MTFR1: variants seen among roughly 807,000 people sequenced by gnomAD.
MTFR1 encodes the protein chondrocyte protein with a poly-proline region.
In MTFR1, 28 loss-of-function variants were observed where a neutral mutation model predicts 38.8. The ratio of observed to expected loss-of-function variants is 0.72; its 90% CI spans 0.53 to 0.99. The LOEUF (loss-of-function observed/expected upper bound fraction) is 0.99. Ranked by LOEUF, MTFR1 falls within the 50% of genes least tolerant of loss-of-function variation. MTFR1 has a pLI of 0.00. For missense variants in MTFR1, 358 were observed against 395.5 expected, an observed-to-expected ratio of 0.91 and a Z score of 0.81; for synonymous variants, 145 against 137.0, an observed-to-expected ratio of 1.06 and a Z score of -0.41.
chr8:65,673,092 C>G (rs1804607509), intron 2 of MTFR1, among the ~76,000 whole-genome samples: 1 of 152,170 alleles, frequency 6.6e-6, no homozygotes, highest in Admixed American at 6.6e-5. Flanking sequence ...ATGCCTTCTT[C>G]ACTAAGCTTA....
At chr8:65,690,979 G>T (rs1315748745) in intron 3 of MTFR1, among the ~76,000 whole-genome samples, 1 of 152,044 alleles carries the variant, frequency 6.6e-6, no homozygotes, top group Admixed American at 6.6e-5. Flanking sequence ...TTCAGTAATG[G>T]GTAGGAACAG....
At chr8:65,647,562 A>T (rs1290838464) in intron 1 of MTFR1, among the ~76,000 whole-genome samples, 1 of 152,202 alleles carries the variant, frequency 6.6e-6, no homozygotes, top group Non-Finnish European at 1.5e-5. Context: ...CAACTGCCTC[A>T]GCCTCCTAAA....
chr8:65,723,250 CAAATGATG>C, intron 3 of MTFR1: 1 of 184,458 alleles, frequency 5.4e-6, no homozygotes, highest in Non-Finnish European at 1.1e-5. Flanking sequence ...ATGGCAGTCC[CAAATGATG>C]CAAAAGAAGC....
At chr8:65,712,165 T>C (rs1184654690), downstream of MTFR1, among the ~76,000 whole-genome samples, 1 of 152,214 alleles carries the variant, frequency 6.6e-6, no homozygotes, top group Admixed American at 6.5e-5. Context: ...CCCCAGGTAC[T>C]ATGTTGTGGA....
Position 65,693,702 on chromosome 8 carries a change from C to T in MTFR1, c.224C>T (p.Ser75Phe), listed in dbSNP as rs374693946. 6.2e-7 allele frequency: 1 copy of T among 1,614,060 alleles called. No homozygotes were observed. Among genetic ancestry groups the T allele is most frequent in the African/African-American group, 1.3e-5 (1 of 75,024 alleles). The change falls in exon 4 of 8, where the codon TCT (serine) becomes TTT (phenylalanine). Residue 75 changes from serine to phenylalanine, a missense_variant. Transcript: ENST00000262146. ...PSHPGEDAVA[S>F]FADVGWVAKE... Reference sequence around the variant, plus strand: ...CACCCAGGAGAGGATGCAGTGGCGTCTTTTGCTGATGTTGGATGGGTAGCC... The same window carrying T: ...CACCCAGGAGAGGATGCAGTGGCGTTTTTTGCTGATGTTGGATGGGTAGCC...
chr8:65,744,496 T>C (rs1807583797), intron 3 of MTFR1, among the ~76,000 whole-genome samples: 1 of 152,096 alleles, frequency 6.6e-6, no homozygotes, highest in Non-Finnish European at 1.5e-5. Flanking sequence ...ACATGACCCC[T>C]CCATCCAGAA....
At chr8:65,705,284 A>G (rs1805750487) in intron 5 of MTFR1, among the ~76,000 whole-genome samples, 2 of 152,208 alleles carry the variant, frequency 1.3e-5, no homozygotes, top group African/African-American at 4.8e-5. Context: ...AGATCATGCC[A>G]CTGCACTCCG....
downstream of MTFR1, among the ~76,000 whole-genome samples, chr8:65,712,583 A>ATAGT (rs1491172139): frequency 6.6e-6 from 1 of 152,222 alleles, no homozygotes; most frequent in Non-Finnish European, 1.5e-5. Flanking sequence ...CCATATATCA[A>ATAGT]TAGTTAATTT....
chr8:65,702,903 G>A (rs1409416387), intron 4 of MTFR1, among the ~76,000 whole-genome samples: 1 of 152,114 alleles, frequency 6.6e-6, no homozygotes, highest in Non-Finnish European at 1.5e-5. Context: ...AAAAAAGAGA[G>A]CTAGATAATT....
At chr8:65,751,762 G>C (rs1214016144) in intron 3 of MTFR1, among the ~76,000 whole-genome samples, 5 of 152,124 alleles carry the variant, frequency 3.3e-5, no homozygotes, top group African/African-American at 1.2e-4. Flanking sequence ...AAAATGCTGG[G>C]ATTACAGGCG....
At chr8:65,704,615 G>A (rs1341023883) in intron 4 of MTFR1, 79 bp from the exon 5 acceptor site, 25 of 1,162,902 alleles carry the variant, frequency 2.1e-5, no homozygotes, top group Non-Finnish European at 2.5e-5. Flanking sequence ...GTGTTAATGC[G>A]GATACACTGT....
At chr8:65,683,374 C>T (rs1207387544) in intron 3 of MTFR1, among the ~76,000 whole-genome samples, 1 of 152,088 alleles carries the variant, frequency 6.6e-6, no homozygotes, top group Non-Finnish European at 1.5e-5. Context: ...TTGTGATCTG[C>T]CTGTTTCGGC....
downstream of MTFR1, among the ~76,000 whole-genome samples, chr8:65,773,888 A>G (rs565985165): frequency 2.3e-4 from 35 of 152,190 alleles, no homozygotes; most frequent in Admixed American, 1.5e-3. Flanking sequence ...AAATTCAGTG[A>G]ATGTTAGGGG....
intron 3 of MTFR1, among the ~76,000 whole-genome samples, chr8:65,731,008 C>A (rs1280107248): frequency 6.6e-6 from 1 of 152,158 alleles, no homozygotes; most frequent in Non-Finnish European, 1.5e-5. Flanking sequence ...TATACAATAT[C>A]ATTCATTAAC....
At chr8:65,705,720 A>G (rs1193380553) in intron 5 of MTFR1, among the ~76,000 whole-genome samples, 1 of 152,158 alleles carries the variant, frequency 6.6e-6, no homozygotes, top group Non-Finnish European at 1.5e-5. Flanking sequence ...GGATAATAGT[A>G]CCTATGTTAC....
intron 3 of MTFR1, among the ~76,000 whole-genome samples, chr8:65,738,334 G>T (rs1807243947): frequency 6.6e-6 from 1 of 152,102 alleles, no homozygotes; most frequent in South Asian, 2.1e-4. Context: ...ATCACAATGA[G>T]GGTCAGAAAA....
downstream of MTFR1, among the ~76,000 whole-genome samples, chr8:65,771,875 T>G (rs1323116550): frequency 1.2e-4 from 12 of 103,070 alleles, no homozygotes; most frequent in Non-Finnish European, 2.1e-4. Flanking sequence ...ACTCCGAGAC[T>G]CCATCTCTCA....
At chr8:65,761,597 G>T (rs1808498357) in intron 3 of MTFR1, among the ~76,000 whole-genome samples, 1 of 152,176 alleles carries the variant, frequency 6.6e-6, no homozygotes, top group African/African-American at 2.4e-5. Context: ...AGAGCAGTTG[G>T]CTTTGCTGGC....
At chr8:65,740,814 A>G (rs907576252) in intron 3 of MTFR1, among the ~76,000 whole-genome samples, 3 of 151,918 alleles carry the variant, frequency 2.0e-5, no homozygotes, top group African/African-American at 7.3e-5. Flanking sequence ...TCTTTTCTAT[A>G]TTGTCTCAAC....
Sources: allele counts gnomAD v4.1 joint callset (sites outside exome capture counted in the v4.1 genomes callset), GRCh38; gene constraint gnomAD v4.1.1; transcripts MANE v1.5; gene names NCBI Gene and HGNC (gene_info 2026-07-23, HGNC 2026-07-21).